The following PARD3B variants were observed in gnomAD, a reference collection of about 807,000 sequenced individuals.
PARD3B encodes the protein par-3 family cell polarity regulator beta.
A neutral mutation model predicts 130.2 loss-of-function variants in PARD3B; 103 were observed. That is an observed-to-expected ratio of 0.79 (90% CI 0.67 to 0.93). PARD3B has a LOEUF of 0.93. Ranked by LOEUF, PARD3B falls within the 40% of genes least tolerant of loss-of-function variation. The pLI, the probability that PARD3B is intolerant of heterozygous loss-of-function variation, is 0.00. For synonymous variants in PARD3B, 583 were observed against 553.2 expected, an observed-to-expected ratio of 1.05 and a Z score of -0.76; for missense variants, 1,609 against 1,499.2, an observed-to-expected ratio of 1.07 and a Z score of -1.21.
intron 2 of PARD3B, among the ~76,000 whole-genome samples, chr2:204,761,894 A>G (rs946418473): frequency 2.0e-5 from 3 of 152,030 alleles, no homozygotes; most frequent in Non-Finnish European, 4.4e-5. Flanking sequence ...TATGCATTAT[A>G]TATGTTGCCC....
At chr2:204,648,681 AATAT>A (rs1250056290) in intron 1 of PARD3B, among the ~76,000 whole-genome samples, 1 of 102,266 alleles carries the variant, frequency 9.8e-6, no homozygotes, top group Non-Finnish European at 1.8e-5. Context: ...TCATATAAAT[AATAT>A]ATATTTATAA....
rs1174053056 is a variant in PARD3B, at chr2:205,615,577, C to T, written c.3382C>T (p.Arg1128Cys). The change falls in exon 23 of 23, where the codon CGC becomes TGC. Residue 1128 changes from arginine (R) to cysteine (C), a missense_variant. By Grantham distance (180) the Arg-to-Cys change is radical (BLOSUM62 -3). Transcript: ENST00000406610. ...PMHPPKGSYP[R>C]PTELRVADLR... The stretch of plus-strand genomic sequence containing the variant: ...GCACCCTCCCAAAGGGAGCTATCCC[C>T]GCCCCACAGAGCTCAGGGTGGCAGA... 6.8e-6 allele frequency: 11 copies of T among 1,613,966 alleles called. No homozygotes were observed. Among genetic ancestry groups the T allele is most frequent in the Admixed American group, 3.3e-5 (2 of 60,002 alleles).
intron 20 of PARD3B, among the ~76,000 whole-genome samples, chr2:205,497,888 A>G (rs959872243): frequency 5.9e-5 from 9 of 152,058 alleles, no homozygotes; most frequent in Admixed American, 2.0e-4. Flanking sequence ...AAATACCCCC[A>G]AACTATGGCT....
intron 4 of PARD3B, among the ~76,000 whole-genome samples, chr2:205,070,620 C>G (rs936444458): frequency 3.9e-5 from 6 of 152,022 alleles, no homozygotes; most frequent in African/African-American, 1.4e-4. Context: ...TGATATATAG[C>G]AATACTTCTT....
At chr2:204,660,885 A>T (rs188166898) in intron 1 of PARD3B, among the ~76,000 whole-genome samples, 1 of 152,340 alleles carries the variant, frequency 6.6e-6, no homozygotes, top group Non-Finnish European at 1.5e-5. Context: ...TAGAACATGC[A>T]GTGTGGCTTT....
At chr2:205,518,226 G>A (rs544966517) in intron 21 of PARD3B, among the ~76,000 whole-genome samples, 3 of 152,080 alleles carry the variant, frequency 2.0e-5, no homozygotes, top group Non-Finnish European at 4.4e-5. Context: ...TGTCTTTGTA[G>A]GTCTCTAAGA....
chr2:204,705,874 T>C (rs931945488), intron 2 of PARD3B, among the ~76,000 whole-genome samples: 1 of 152,166 alleles, frequency 6.6e-6, no homozygotes, highest in Non-Finnish European at 1.5e-5. Flanking sequence ...TGTTCCTTAA[T>C]CTCCATCCTT....
chr2:205,508,575 GAA>G (rs11293944), intron 21 of PARD3B, among the ~76,000 whole-genome samples: 407 of 134,292 alleles, frequency 3.0e-3, no homozygotes, highest in South Asian at 4.5e-3. Context: ...CTTTCTCCAA[GAA>G]AAAAAAAAAA....
At chr2:204,560,685 C>G (rs2031251523) in intron 1 of PARD3B, among the ~76,000 whole-genome samples, 1 of 151,990 alleles carries the variant, frequency 6.6e-6, no homozygotes, top group African/African-American at 2.4e-5. Context: ...TTCTCCAGGA[C>G]AGTTGTGGGA....
intron 2 of PARD3B, among the ~76,000 whole-genome samples, chr2:204,930,913 T>C (rs145286273): frequency 1.3e-3 from 192 of 152,144 alleles, no homozygotes; most frequent in African/African-American, 4.5e-3. Context: ...AACACTTGAG[T>C]ATATGGTTTA....
At chr2:205,505,387 T>TAAAAA (rs976350440) in intron 21 of PARD3B, among the ~76,000 whole-genome samples, 2 of 107,648 alleles carry the variant, frequency 1.9e-5, no homozygotes, top group Admixed American at 1.1e-4. Context: ...ACTTAAATAA[T>TAAAAA]AAAAAAATAA....
In PARD3B at chr2:205,082,140, A is replaced by G. The variant is rs537672588; in HGVS notation, c.505-22286A>G. Reference sequence around the variant, plus strand: ...ATATGTCAATTTCATATAAATTGTCATATATTGGCATAAATAATAGAATTC... The same window carrying G: ...ATATGTCAATTTCATATAAATTGTCGTATATTGGCATAAATAATAGAATTC... On this transcript the variant is annotated intron_variant, in intron 4 of 22. Coordinates refer to ENST00000406610, the MANE Select transcript of PARD3B (RefSeq NM_001302769.2). Among the ~76,000 whole-genome samples the G allele has an allele frequency of 3.7e-4, 56 of 152,294 alleles. No individual in the cohort carries two copies. The South Asian group carries it at 0.011, about 31-fold the overall frequency.
At chr2:205,190,753 C>G (rs1395607219) in intron 14 of PARD3B, among the ~76,000 whole-genome samples, 1 of 152,104 alleles carries the variant, frequency 6.6e-6, no homozygotes, top group Non-Finnish European at 1.5e-5. Flanking sequence ...ACACTAAACC[C>G]ACATCATCAC....
intron 18 of PARD3B, among the ~76,000 whole-genome samples, chr2:205,390,891 G>A (rs2045834837): frequency 6.6e-6 from 1 of 152,224 alleles, no homozygotes; most frequent in Non-Finnish European, 1.5e-5. Context: ...GACTGCAGAT[G>A]AGGCCTCCAG....
chr2:204,939,471 G>A (rs1288732233), intron 2 of PARD3B, among the ~76,000 whole-genome samples: 1 of 152,112 alleles, frequency 6.6e-6, no homozygotes, highest in African/African-American at 2.4e-5. Flanking sequence ...GTTACAGAAG[G>A]CTTTTTATTC....
chr2:205,124,430 A>G lies in PARD3B; in HGVS notation c.1269A>G (p.Lys423=). 1.2e-6 allele frequency: 2 copies of G among 1,603,744 alleles called. No homozygotes were observed. The highest frequency in any genetic ancestry group is 1.7e-6 in the Non-Finnish European group (2 of 1,174,554). Residue 423 remains lysine, a synonymous_variant, in exon 9 of 23, where the codon AAA becomes AAG. Coordinates refer to ENST00000406610, the MANE Select transcript of PARD3B (RefSeq NM_001302769.2). ...TTTTACCAAAGGGAGCAGCAATAAA[A>G]GATGGCCGCCTACAATCAGGGGACA... ...KNILPKGAAI[K]DGRLQSGDRI...
chr2:205,389,493 G>A (rs2045775903), intron 18 of PARD3B, among the ~76,000 whole-genome samples: 1 of 152,240 alleles, frequency 6.6e-6, no homozygotes, highest in African/African-American at 2.4e-5. Context: ...CTCCCAAGTA[G>A]CTGGGATTAC....
chr2:205,087,475 C>T (rs1701807540), intron 4 of PARD3B, among the ~76,000 whole-genome samples: 1 of 152,104 alleles, frequency 6.6e-6, no homozygotes, highest in Non-Finnish European at 1.5e-5. Context: ...ATCAAGCATG[C>T]CATTTGATCT....
intron 1 of PARD3B, among the ~76,000 whole-genome samples, chr2:204,681,920 A>G (rs1286795563): frequency 6.6e-6 from 1 of 152,196 alleles, no homozygotes; most frequent in Non-Finnish European, 1.5e-5. Flanking sequence ...CTTGGCAGTA[A>G]GATCTTTTTC....
Sources: gnomAD v4.1 joint callset for allele counts (sites outside exome capture counted in the v4.1 genomes callset) on GRCh38, gnomAD v4.1.1 for gene constraint, MANE v1.5 for transcripts, NCBI Gene and HGNC (gene_info 2026-07-23, HGNC 2026-07-21) for gene names.